SYN3: variants seen among roughly 807,000 people sequenced by gnomAD.
SYN3 encodes synapsin III.
A neutral mutation model predicts 65.8 loss-of-function variants in SYN3; 35 were observed. The observed-to-expected ratio is 0.53, with a 90% CI of 0.41 to 0.70. SYN3 has a LOEUF of 0.70. Among genes scored for constraint, SYN3 ranks in the 30% least tolerant of loss-of-function variants. The pLI is 0.00. For missense variants in SYN3, 680 were observed against 749.0 expected (o/e 0.91, Z 1.08); for synonymous variants, 270 against 292.9 (o/e 0.92, Z 0.80).
At chr22:32,863,142 TC>T (rs1227855472) in intron 6 of SYN3, 1 of 152,516 alleles carries the variant, frequency 6.6e-6, no homozygotes, top group Admixed American at 6.6e-5. Context: ...CCTGGACACA[TC>T]CCTCCCTCCA....
intron 2 of SYN3, among the ~76,000 whole-genome samples, chr22:32,987,527 A>G (rs1464887020): frequency 6.6e-6 from 1 of 152,200 alleles, no homozygotes; most frequent in East Asian, 1.9e-4. Flanking sequence ...GCAGCCTCTC[A>G]GTCCTCCATG....
chr22:32,572,365 TCC>T (rs2058778621), intron 7 of SYN3, among the ~76,000 whole-genome samples: 1 of 86,164 alleles, frequency 1.2e-5, no homozygotes, highest in African/African-American at 6.1e-5. Flanking sequence ...TTACTTCCCT[TCC>T]ACCCTCCCTC....
At chr22:32,943,865 T>C (rs1163121394) in intron 3 of SYN3, among the ~76,000 whole-genome samples, 5 of 152,134 alleles carry the variant, frequency 3.3e-5, no homozygotes, top group African/African-American at 4.8e-5. Context: ...CATTACATAA[T>C]GGTAAAGGGA....
intron 6 of SYN3, among the ~76,000 whole-genome samples, chr22:32,836,396 C>T (rs2047730479): frequency 6.6e-6 from 1 of 152,214 alleles, no homozygotes; most frequent in Non-Finnish European, 1.5e-5. Flanking sequence ...ACTTCAAGGC[C>T]AGGGCAGGTG....
At position 32,946,116 on chromosome 22, in the gene SYN3, T is replaced by C. The variant is rs569946364; in HGVS notation, c.370-14635A>G. 2.0e-5 allele frequency among the ~76,000 whole-genome samples: 3 copies of C among 152,326 alleles called. No individual in the cohort carries two copies. In the South Asian group the frequency reaches 6.2e-4, roughly 32 times the overall value. ...GTGGGACTGTAAACTAGTTCAACCA[T>C]TGTGGAAGACAGTGTGGCGATTCCT... On this transcript the variant is annotated intron_variant, in intron 3 of 13. Transcript: ENST00000358763.
chr22:32,572,649 G>A (rs2058794966), intron 7 of SYN3, among the ~76,000 whole-genome samples: 1 of 150,900 alleles, frequency 6.6e-6, no homozygotes, highest in Non-Finnish European at 1.5e-5. Flanking sequence ...ATGGTGCAAT[G>A]ATAGCTCACC....
chr22:32,637,977 C>A (rs1419901427), intron 6 of SYN3, among the ~76,000 whole-genome samples: 4 of 152,170 alleles, frequency 2.6e-5, no homozygotes, highest in African/African-American at 4.8e-5. Context: ...TTCCTTCCCT[C>A]TTCCCTTTAG....
At chr22:32,839,332 G>A (rs147414851) in intron 6 of SYN3, among the ~76,000 whole-genome samples, 25 of 152,256 alleles carry the variant, frequency 1.6e-4, no homozygotes, top group African/African-American at 6.0e-4. Context: ...AGGGGAGAAG[G>A]ACTGTGTTTC....
At chr22:32,513,884 T>C (rs959290851) in intron 13 of SYN3, 60 bp from the exon 14 acceptor site, 3 of 1,602,376 alleles carry the variant, frequency 1.9e-6, no homozygotes, top group East Asian at 2.2e-5. Flanking sequence ...AAGAAATGGG[T>C]CTTGGGGGCT....
At chr22:32,861,484 T>A (rs570547718) in intron 6 of SYN3, 1 of 152,370 alleles carries the variant, frequency 6.6e-6, no homozygotes, top group East Asian at 1.9e-4. Context: ...AGGTCTCGCA[T>A]GGTGGGGCCC....
chr22:32,629,547 C>T (rs1330998163), intron 6 of SYN3: 3 of 152,256 alleles, frequency 2.0e-5, no homozygotes, highest in Non-Finnish European at 4.4e-5. Context: ...ACGGTGTGGA[C>T]GAGAGGTTGG....
intron 6 of SYN3, among the ~76,000 whole-genome samples, chr22:32,605,462 C>G (rs560063742): frequency 2.4e-4 from 37 of 152,312 alleles, no homozygotes; most frequent in African/African-American, 8.9e-4. Context: ...CAGCTCATAT[C>G]TCTTGAGCCC....
At chr22:32,984,043 C>CAGCTGA (rs2052447846) in intron 2 of SYN3, among the ~76,000 whole-genome samples, 1 of 150,864 alleles carries the variant, frequency 6.6e-6, no homozygotes, top group Admixed American at 6.6e-5. Context: ...CCTGTAATTC[C>CAGCTGA]AGCTGAGGCA....
At chr22:32,917,526 G>C (rs2050216420) in intron 4 of SYN3, among the ~76,000 whole-genome samples, 1 of 152,196 alleles carries the variant, frequency 6.6e-6, no homozygotes, top group Non-Finnish European at 1.5e-5. Context: ...TGGCCACCGG[G>C]CAATTTCTCC....
At position 32,538,106 on chromosome 22, in the gene SYN3, TTCTCC is replaced by T; in HGVS notation, c.918-1_921del. 1 of 1,614,094 alleles carries T rather than the reference TTCTCC, an allele frequency of 6.2e-7. No individual in the cohort carries two copies. The highest frequency in any genetic ancestry group is 8.5e-7 in the Non-Finnish European group (1 of 1,179,980). On this transcript the variant is annotated splice_acceptor_variant and coding_sequence_variant, in exon 9 of 14. Coordinates refer to ENST00000358763, the MANE Select transcript of SYN3 (RefSeq NM_003490.4). LOFTEE classifies it high-confidence loss of function. Reference sequence around the variant, plus strand: ...GCCTTCCAGTTCCCAGAGATGGAGGTTCTCCTGTACCAGAACAAACAACACATTGA... The same window carrying T: ...GCCTTCCAGTTCCCAGAGATGGAGGTTGTACCAGAACAAACAACACATTGA...
chr22:32,766,305 G>A (rs904890810), intron 6 of SYN3, among the ~76,000 whole-genome samples: 1 of 152,278 alleles, frequency 6.6e-6, no homozygotes, highest in Non-Finnish European at 1.5e-5. Context: ...ACCTAGAATA[G>A]AAGCTCCAGG....
intron 1 of SYN3, among the ~76,000 whole-genome samples, chr22:33,020,494 G>A (rs1569409604): frequency 1.3e-5 from 2 of 152,144 alleles, no homozygotes; most frequent in Non-Finnish European, 2.9e-5. Context: ...ATACAATCAC[G>A]CTATTAAAAT....
intron 4 of SYN3, among the ~76,000 whole-genome samples, chr22:32,889,673 A>C (rs2049389166): frequency 6.6e-6 from 1 of 152,150 alleles, no homozygotes; most frequent in Non-Finnish European, 1.5e-5. Flanking sequence ...ATCTTTTTAA[A>C]ACTGACTGTA....
intron 3 of SYN3, among the ~76,000 whole-genome samples, chr22:32,939,556 G>A (rs565116049): frequency 3.3e-5 from 5 of 152,232 alleles, no homozygotes; most frequent in African/African-American, 1.2e-4. Context: ...CCATTTTAAT[G>A]TCTTCTATCT....
Sources: gnomAD v4.1 joint callset for allele counts (sites outside exome capture counted in the v4.1 genomes callset) on GRCh38, gnomAD v4.1.1 for gene constraint, MANE v1.5 for transcripts, NCBI Gene and HGNC (gene_info 2026-07-23, HGNC 2026-07-21) for gene names.